CDHR2: variants seen among roughly 807,000 people sequenced by gnomAD.
CDHR2 encodes the protein cadherin related family member 2.
A neutral mutation model predicts 138.6 loss-of-function variants in CDHR2; 104 were observed. That is an observed-to-expected ratio of 0.75 (90% confidence interval 0.64 to 0.88). The LOEUF (loss-of-function observed/expected upper bound fraction) is 0.88, where lower values mean the gene tolerates loss of function less well. CDHR2 is among the 40% of genes least tolerant of loss of function. CDHR2 has a pLI of 0.00. For missense variants in CDHR2, 1,624 were observed against 1,727.6 expected (o/e 0.94, Z 1.06); for synonymous variants, 755 against 742.8 (o/e 1.02, Z -0.27).
chr5:176,577,893 G>T, intron 14 of CDHR2, 95 bp downstream of exon 14: 2 of 1,494,856 alleles, frequency 1.3e-6, no homozygotes, highest in Non-Finnish European at 1.8e-6. Context: ...TGTGAGATGG[G>T]GGTGGCCATG....
upstream of CDHR2, among the ~76,000 whole-genome samples, chr5:176,545,958 G>A (rs544943613): frequency 2.8e-4 from 42 of 152,370 alleles, no homozygotes; most frequent in Middle Eastern, 3.4e-3. Flanking sequence ...ACACACCTCT[G>A]TCAACCAGAG....
chr5:176,580,138 A>G (rs561401037), intron 16 of CDHR2, among the ~76,000 whole-genome samples: 1 of 151,902 alleles, frequency 6.6e-6, no homozygotes, highest in East Asian at 1.9e-4. Context: ...ACGCACTCAC[A>G]CACGCACTCA....
chr5:176,592,178 T>A (rs1426432702), intron 30 of CDHR2, among the ~76,000 whole-genome samples: 3 of 144,936 alleles, frequency 2.1e-5, no homozygotes, highest in Non-Finnish European at 1.5e-5. Flanking sequence ...GTGGTGGTGT[T>A]GGTGTTGAGG....
chr5:176,574,196 C>A (rs113163573), intron 7 of CDHR2, 24 bp downstream of exon 7: 3 of 1,562,570 alleles, frequency 1.9e-6, no homozygotes, highest in African/African-American at 2.7e-5. Context: ...GGGCCCTGAC[C>A]GCCTTTGTGA....
rs143931562 is a variant in CDHR2, at chr5:176,557,608, C to G, written c.-15-7730C>G. On this transcript the variant is annotated intron_variant, in intron 1 of 31. Coordinates refer to ENST00000261944, the MANE Select transcript of CDHR2 (RefSeq NM_017675.6). ...TGAGATAGGGTCTTGCTCTGTCGCCCGGGCTGGAGTGCAGTGACGAAATCT... is the reference window on the plus strand; with the variant it reads ...TGAGATAGGGTCTTGCTCTGTCGCCGGGGCTGGAGTGCAGTGACGAAATCT... 8.1e-3 allele frequency among the ~76,000 whole-genome samples: 1,182 copies of G among 145,660 alleles called. 29 individuals are homozygous for G. Among genetic ancestry groups the G allele is most frequent in the African/African-American group, 0.029 (1,117 of 37,878 alleles).
Position 176,590,691 on chromosome 5 carries a change from C to T in CDHR2, c.3539+4C>T, listed in dbSNP as rs376543775. The T allele has an allele frequency of 1.7e-4, 272 of 1,612,784 alleles. 1 individual carries two copies. The highest frequency in any genetic ancestry group is 2.1e-4 in the Non-Finnish European group (245 of 1,179,962). On this transcript the variant is annotated splice_donor_region_variant and intron_variant, in intron 28 of 31. Coordinates refer to ENST00000261944, the MANE Select transcript of CDHR2 (RefSeq NM_017675.6). ...CCTTCGTGTGTGTGCGGAAGAGGTG[C>T]GGCTCCCATTGCCCCCGTGTCTCCA...
At chr5:176,552,757 G>A (rs562842322) in intron 1 of CDHR2, among the ~76,000 whole-genome samples, 3 of 152,336 alleles carry the variant, frequency 2.0e-5, no homozygotes, top group Non-Finnish European at 4.4e-5. Context: ...GGAGGCAGGC[G>A]AGGCAGGGAT....
Position 176,589,614 on chromosome 5 carries a change from T to TG in CDHR2, c.3205dup (p.Ala1069GlyfsTer46). The TG allele has an allele frequency of 1.2e-6, 2 of 1,613,784 alleles. No homozygotes were observed. Among genetic ancestry groups the TG allele is most frequent in the Non-Finnish European group, 1.7e-6 (2 of 1,179,882 alleles). ...TGGGCGCCAACAGACAGGCGATTAATGCGTAGGTCTGGGGAGCCCCGGAGG... is the reference window on the plus strand; with the variant it reads ...TGGGCGCCAACAGACAGGCGATTAATGGCGTAGGTCTGGGGAGCCCCGGAGG... On this transcript the variant is annotated frameshift_variant and splice_region_variant, in exon 24 of 32. Coordinates refer to ENST00000261944, the MANE Select transcript of CDHR2 (RefSeq NM_017675.6). LOFTEE classifies it high-confidence loss of function.
chr5:176,591,354 C>A lies in CDHR2; in HGVS notation c.3653+31C>A, dbSNP rs372622492. ...CAGGGGTCAAAGGGTAGGTAAGAGG[C>A]CTGGTGGGGTGGCTGAGGGCCAGGC... On this transcript the variant is annotated intron_variant, in intron 29 of 31. Transcript: ENST00000261944. The A allele has an allele frequency of 4.3e-6, 7 of 1,609,480 alleles. No homozygotes were observed. The South Asian group carries it at 4.4e-5, about 10-fold the overall frequency.
At chr5:176,554,082 C>T (rs1161874785) in intron 1 of CDHR2, among the ~76,000 whole-genome samples, 2 of 152,202 alleles carry the variant, frequency 1.3e-5, no homozygotes, top group Non-Finnish European at 2.9e-5. Flanking sequence ...CTGAGTGCAG[C>T]CCTGCCGTTC....
chr5:176,578,235 T>G, intron 15 of CDHR2, 130 bp from the exon 16 acceptor site: 1 of 1,229,692 alleles, frequency 8.1e-7, no homozygotes, highest in Non-Finnish European at 1.2e-6. Flanking sequence ...AAGGAATGAC[T>G]TTTTGAAATA....
intron 20 of CDHR2, 105 bp downstream of exon 20, chr5:176,586,130 G>A: frequency 1.2e-6 from 1 of 823,848 alleles, no homozygotes; most frequent in South Asian, 1.5e-5. Flanking sequence ...TTTAGAAAGG[G>A]GGGAAGGCCT....
Position 176,585,074 on chromosome 5 carries a change from A to G in CDHR2, c.2734+59A>G, listed in dbSNP as rs558428979. On this transcript the variant is annotated intron_variant, in intron 19 of 31. Coordinates refer to ENST00000261944, the MANE Select transcript of CDHR2 (RefSeq NM_017675.6). The stretch of plus-strand genomic sequence containing the variant: ...CCATAGCTTAGGGGCCGCGGGAAGG[A>G]GCCCTGGGCTGGAACTCACAAGGTC... 4 of 1,477,014 alleles carry G rather than the reference A, an allele frequency of 2.7e-6. No homozygotes were observed. In the South Asian group the frequency reaches 4.0e-5, roughly 15 times the overall value. 91.5% of individuals were successfully genotyped at this position (1,477,014 alleles called of 1,614,324 possible). A position where few individuals can be genotyped will look rare whatever the true frequency, so the allele number is the denominator to read the frequency against.
intron 3 of CDHR2, among the ~76,000 whole-genome samples, chr5:176,567,784 C>T (rs943621974): frequency 6.6e-6 from 1 of 152,228 alleles, no homozygotes; most frequent in Non-Finnish European, 1.5e-5. Flanking sequence ...TGAGCCACCT[C>T]GCCTGGCCTA....
intron 22 of CDHR2, 36 bp downstream of exon 22, chr5:176,589,218 G>A: frequency 6.2e-7 from 1 of 1,612,452 alleles, no homozygotes; most frequent in Non-Finnish European, 8.5e-7. Context: ...AGGTTGCGGG[G>A]AGGGGCCCGA....
At chr5:176,559,344 C>T (rs564621768) in intron 1 of CDHR2, among the ~76,000 whole-genome samples, 2 of 152,186 alleles carry the variant, frequency 1.3e-5, no homozygotes, top group South Asian at 4.1e-4. Flanking sequence ...TACCGAAAAG[C>T]CCCATAACCT....
rs1204839592 is a variant in CDHR2, at chr5:176,571,307, C to T, written c.405+5C>T. The T allele has an allele frequency of 1.2e-6, 2 of 1,601,200 alleles. No homozygotes were observed. The highest frequency in any genetic ancestry group is 1.7e-6 in the Non-Finnish European group (2 of 1,173,290). On this transcript the variant is annotated splice_donor_5th_base_variant and intron_variant, in intron 6 of 31. Transcript: ENST00000261944. Reference sequence around the variant, plus strand: ...TTCTCCACCAGCATCAACGAGGTGACACCTGCCTTAATGTGGTTGTGGGGC... The same window carrying T: ...TTCTCCACCAGCATCAACGAGGTGATACCTGCCTTAATGTGGTTGTGGGGC...
Position 176,590,455 on chromosome 5 carries a change from G to A in CDHR2, c.3384G>A (p.Thr1128=), listed in dbSNP as rs373426526. The A allele has an allele frequency of 1.1e-5, 17 of 1,613,854 alleles. No individual in the cohort carries two copies. The African/African-American group carries it at 1.7e-4, about 16-fold the overall frequency. Residue 1128 remains threonine (T), a synonymous_variant, in exon 27 of 32, where the codon ACG becomes ACA. Coordinates refer to ENST00000261944, the MANE Select transcript of CDHR2 (RefSeq NM_017675.6). ...TCCGGAATGATCAGGACTCGCTGAC[G>A]CAGCTGCTGCAGCTGGGGCTGGTGG... is the stretch of plus-strand genomic sequence containing the variant. ...VMIRNDQDSL[T]QLLQLGLVVL... is the part of the protein sequence containing the mutation.
upstream of CDHR2, among the ~76,000 whole-genome samples, chr5:176,548,466 T>A (rs1757634517): frequency 6.6e-6 from 1 of 152,066 alleles, no homozygotes; most frequent in Non-Finnish European, 1.5e-5. Context: ...GGGGCCGAGC[T>A]CCGTGGCTCA....
Sources: allele counts gnomAD v4.1 joint callset (sites outside exome capture counted in the v4.1 genomes callset), GRCh38; gene constraint gnomAD v4.1.1; transcripts MANE v1.5; gene names NCBI Gene and HGNC (gene_info 2026-07-23, HGNC 2026-07-21).